MGAT5: variants seen among roughly 807,000 people sequenced by gnomAD.
MGAT5 encodes the protein alpha-1,6-mannosylglycoprotein 6-beta-N-acetylglucosaminyltransferase.
A neutral mutation model predicts 94.3 loss-of-function variants in MGAT5; 30 were observed. The observed-to-expected ratio is 0.32, with a 90% CI of 0.24 to 0.43. MGAT5 has a LOEUF of 0.43. MGAT5 is among the 20% of genes least tolerant of loss of function. The probability of loss-of-function intolerance (pLI) is 1.00; values close to 1 mark genes in which losing one functional copy is unlikely to be tolerated. For missense variants in MGAT5, 691 were observed against 905.5 expected (o/e 0.76, Z 3.04); for synonymous variants, 310 against 322.9 (o/e 0.96, Z 0.43).
At chr2:134,179,710 T>C (rs1385593787) in intron 1 of MGAT5, among the ~76,000 whole-genome samples, 2 of 152,168 alleles carry the variant, frequency 1.3e-5, no homozygotes, top group Admixed American at 6.5e-5. Flanking sequence ...TTCATGCTCT[T>C]TTACACTTCT....
chr2:134,238,377 T>C (rs1681776816), intron 1 of MGAT5, among the ~76,000 whole-genome samples: 2 of 152,244 alleles, frequency 1.3e-5, no homozygotes, highest in South Asian at 4.1e-4. Flanking sequence ...AAGATCATCT[T>C]ACCTTCATAG....
chr2:134,161,008 C>T (rs556860308), intron 1 of MGAT5, among the ~76,000 whole-genome samples: 31 of 152,344 alleles, frequency 2.0e-4, no homozygotes, highest in Non-Finnish European at 3.8e-4. Flanking sequence ...TCTGTGAGCC[C>T]CGCGGCAGGC....
chr2:134,143,988 G>A (rs1317225287), intron 1 of MGAT5, among the ~76,000 whole-genome samples: 1 of 152,116 alleles, frequency 6.6e-6, no homozygotes, highest in African/African-American at 2.4e-5. Context: ...CTATGCTGGG[G>A]GAGGAAATGG....
At chr2:134,447,247 A>G (rs1235336007) in intron 15 of MGAT5, among the ~76,000 whole-genome samples, 2 of 152,216 alleles carry the variant, frequency 1.3e-5, no homozygotes, top group South Asian at 2.1e-4. Flanking sequence ...TGAGACTTCC[A>G]TGAACCAAGT....
intron 10 of MGAT5, among the ~76,000 whole-genome samples, chr2:134,388,704 A>G (rs1682192201): frequency 8.0e-6 from 1 of 125,174 alleles, no homozygotes; most frequent in African/African-American, 3.1e-5. Flanking sequence ...TTCCTCCAGT[A>G]TATTTTCTGA....
At chr2:134,178,618 G>A (rs1688589685) in intron 1 of MGAT5, among the ~76,000 whole-genome samples, 1 of 152,198 alleles carries the variant, frequency 6.6e-6, no homozygotes, top group Non-Finnish European at 1.5e-5. Flanking sequence ...GCAGAGAATG[G>A]ATTTGAGAGC....
intron 1 of MGAT5, among the ~76,000 whole-genome samples, chr2:134,264,017 G>GTTTTTTTTTTTTTTTTTTTTTTTTTTT (rs763608726): frequency 9.2e-6 from 1 of 108,944 alleles, no homozygotes; most frequent in Admixed American, 1.0e-4. Flanking sequence ...ATGCCATTAG[G>GTTTTTTTTTTTTTTTTTTTTTTTTTTT]TTTTTTTTTT....
chr2:134,357,518 A>G (rs978209147), intron 9 of MGAT5, among the ~76,000 whole-genome samples: 1 of 152,236 alleles, frequency 6.6e-6, no homozygotes, highest in Non-Finnish European at 1.5e-5. Context: ...GGATCAGTTA[A>G]CTTCCATGTA....
intron 1 of MGAT5, among the ~76,000 whole-genome samples, chr2:134,168,587 T>A (rs555502333): frequency 6.6e-6 from 1 of 152,342 alleles, no homozygotes; most frequent in African/African-American, 2.4e-5. Context: ...GAAAGCCACG[T>A]GAAGCTAGTA....
chr2:134,384,669 A>C (rs922860968), intron 10 of MGAT5, among the ~76,000 whole-genome samples: 2 of 152,196 alleles, frequency 1.3e-5, no homozygotes, highest in African/African-American at 4.8e-5. Context: ...ATGCTATATC[A>C]TGATATCTGC....
intron 1 of MGAT5, among the ~76,000 whole-genome samples, chr2:134,144,350 AAG>A (rs1444927883): frequency 1.3e-5 from 2 of 152,140 alleles, no homozygotes; most frequent in African/African-American, 2.4e-5. Context: ...GAGCAGGAGG[AAG>A]AGAGAGGCGG....
At chr2:134,336,702 T>C (rs138349029) in intron 5 of MGAT5, among the ~76,000 whole-genome samples, 15 of 152,186 alleles carry the variant, frequency 9.9e-5, no homozygotes, top group African/African-American at 3.6e-4. Context: ...CGAATTTAAA[T>C]GATGAGTGAG....
intron 1 of MGAT5, among the ~76,000 whole-genome samples, chr2:134,216,073 G>C (rs925920428): frequency 6.6e-6 from 1 of 152,136 alleles, no homozygotes; most frequent in Non-Finnish European, 1.5e-5. Flanking sequence ...TGTTCCATTA[G>C]ATTCCATCAT....
At chr2:134,335,806 C>T (rs940646375) in intron 4 of MGAT5, among the ~76,000 whole-genome samples, 1 of 152,118 alleles carries the variant, frequency 6.6e-6, no homozygotes, top group Non-Finnish European at 1.5e-5. Context: ...AGATATGCCA[C>T]AGCAGATAAG....
intron 1 of MGAT5, among the ~76,000 whole-genome samples, chr2:134,183,221 A>C (rs569648264): frequency 6.6e-6 from 1 of 152,210 alleles, no homozygotes; most frequent in East Asian, 1.9e-4. Flanking sequence ...TGTTCCATGC[A>C]TGGGTTCACT....
At chr2:134,244,662 C>T (rs1331471470) in intron 1 of MGAT5, among the ~76,000 whole-genome samples, 1 of 152,168 alleles carries the variant, frequency 6.6e-6, no homozygotes, top group Non-Finnish European at 1.5e-5. Flanking sequence ...CTGCTTCTCT[C>T]TCACTCTGCA....
At chr2:134,129,981 G>A (rs1686049501) in intron 1 of MGAT5, among the ~76,000 whole-genome samples, 1 of 152,200 alleles carries the variant, frequency 6.6e-6, no homozygotes, top group Admixed American at 6.5e-5. Context: ...AGCACTCACA[G>A]GCCAGCGCAA....
At chr2:134,288,222 C>G (rs909675958) in intron 2 of MGAT5, among the ~76,000 whole-genome samples, 1 of 152,182 alleles carries the variant, frequency 6.6e-6, no homozygotes, top group Admixed American at 6.5e-5. Flanking sequence ...TAGACATTGC[C>G]TATCAAATGG....
At chr2:134,437,755 C>T (rs1171702409) in intron 14 of MGAT5, among the ~76,000 whole-genome samples, 3 of 152,186 alleles carry the variant, frequency 2.0e-5, no homozygotes, top group Admixed American at 1.3e-4. Context: ...GTGGCTTACA[C>T]CTGTAATCCC....
Sources: gnomAD v4.1 joint callset for allele counts (sites outside exome capture counted in the v4.1 genomes callset) on GRCh38, gnomAD v4.1.1 for gene constraint, MANE v1.5 for transcripts, NCBI Gene and HGNC (gene_info 2026-07-23, HGNC 2026-07-21) for gene names.